The following ASTN2 variants were observed in gnomAD, a reference collection of about 807,000 sequenced individuals.
ASTN2 encodes the protein astrotactin 2.
ASTN2 carries 54 observed loss-of-function variants against 139.8 expected under a neutral mutation model. That is an observed-to-expected ratio of 0.39 (90% CI 0.31 to 0.48). ASTN2 has a LOEUF of 0.48. ASTN2 is among the 20% of genes least tolerant of loss of function. The pLI, the probability that ASTN2 is intolerant of heterozygous loss-of-function variation, is 0.95. For missense variants in ASTN2, 1,565 were observed against 1,725.1 expected, an observed-to-expected ratio of 0.91 and a Z score of 1.64; for synonymous variants, 756 against 719.5, an observed-to-expected ratio of 1.05 and a Z score of -0.81.
intron 3 of ASTN2, among the ~76,000 whole-genome samples, chr9:117,208,550 A>G (rs1832014224): frequency 6.6e-6 from 1 of 152,168 alleles, no homozygotes; most frequent in African/African-American, 2.4e-5. Flanking sequence ...CAGAAGAACA[A>G]GTGAAAAGGT....
At chr9:116,900,783 A>C (rs1277502830) in intron 10 of ASTN2, among the ~76,000 whole-genome samples, 1 of 151,314 alleles carries the variant, frequency 6.6e-6, no homozygotes, top group Admixed American at 6.6e-5. Context: ...TTCTCCCTCC[A>C]CCTTCGTTTG....
chr9:116,942,797 A>G (rs948631849), intron 10 of ASTN2, among the ~76,000 whole-genome samples: 1 of 152,216 alleles, frequency 6.6e-6, no homozygotes, highest in African/African-American at 2.4e-5. Context: ...AGCCCAATAA[A>G]AGCAAGGACT....
At chr9:116,506,933 A>G (rs930899022) in intron 19 of ASTN2, among the ~76,000 whole-genome samples, 1 of 152,026 alleles carries the variant, frequency 6.6e-6, no homozygotes, top group Non-Finnish European at 1.5e-5. Flanking sequence ...ACCTCAGTTC[A>G]CTCATCTATT....
chr9:116,715,963 A>G (rs1419798767), intron 16 of ASTN2, among the ~76,000 whole-genome samples: 1 of 152,192 alleles, frequency 6.6e-6, no homozygotes, highest in African/African-American at 2.4e-5. Flanking sequence ...AAAAACTTCA[A>G]TGTATGTATC....
At chr9:116,600,448 G>A (rs538135790) in intron 19 of ASTN2, among the ~76,000 whole-genome samples, 8 of 152,246 alleles carry the variant, frequency 5.3e-5, no homozygotes, top group Admixed American at 3.3e-4. Context: ...CACTGGCAGT[G>A]AGCAATAGAG....
chr9:116,749,589 T>C (rs556346551), intron 13 of ASTN2, among the ~76,000 whole-genome samples: 1 of 152,292 alleles, frequency 6.6e-6, no homozygotes, highest in East Asian at 1.9e-4. Context: ...GCACTGAAAT[T>C]GCCATGGTGT....
chr9:117,205,067 G>A (rs1831870834), intron 3 of ASTN2, among the ~76,000 whole-genome samples: 1 of 152,188 alleles, frequency 6.6e-6, no homozygotes. Context: ...TGTCCTTGTT[G>A]TAAGATGAGA....
chr9:117,217,671 C>T (rs1244497605), intron 2 of ASTN2, among the ~76,000 whole-genome samples: 1 of 152,178 alleles, frequency 6.6e-6, no homozygotes, highest in East Asian at 1.9e-4. Context: ...AATGCCACCT[C>T]ATTGGGTCAT....
At chr9:117,364,296 C>A (rs1056029403) in intron 1 of ASTN2, among the ~76,000 whole-genome samples, 8 of 152,124 alleles carry the variant, frequency 5.3e-5, no homozygotes, top group Non-Finnish European at 1.2e-4. Context: ...AAGCATCAAC[C>A]CAATAAAGAC....
At chr9:116,611,983 T>C (rs1273815277) in intron 19 of ASTN2, 2 of 152,162 alleles carry the variant, frequency 1.3e-5, no homozygotes, top group Non-Finnish European at 2.9e-5. Flanking sequence ...ATTCCTGGGA[T>C]AAATCTCACA....
In ASTN2 at chr9:116,492,234, A is replaced by G. The variant is rs1363279017; in HGVS notation, c.3356-4734T>C. 2.0e-5 allele frequency among the ~76,000 whole-genome samples: 3 copies of G among 151,982 alleles called. No homozygotes were observed. In the East Asian group the frequency reaches 5.8e-4, roughly 29 times the overall value. ...GTAGCTGGGATTATAGGTGCCCACC[A>G]CCATGCCTGGCTAATTTTTGTATTT... On this transcript the variant is annotated intron_variant, in intron 19 of 22. Coordinates refer to ENST00000313400, the MANE Select transcript of ASTN2 (RefSeq NM_001365068.1).
chr9:117,039,769 G>T, intron 6 of ASTN2, 50 bp downstream of exon 6: 2 of 1,569,960 alleles, frequency 1.3e-6, no homozygotes, highest in Non-Finnish European at 1.7e-6. Flanking sequence ...ACCAGTCAGG[G>T]GTGCAAGGTG....
At chr9:117,080,792 G>A (rs1025635386) in intron 5 of ASTN2, among the ~76,000 whole-genome samples, 2 of 152,090 alleles carry the variant, frequency 1.3e-5, no homozygotes. Context: ...AGAAGCCTAG[G>A]AAGGAGCTTC....
intron 10 of ASTN2, among the ~76,000 whole-genome samples, chr9:116,894,985 T>C (rs1833848621): frequency 6.6e-6 from 1 of 152,234 alleles, no homozygotes; most frequent in African/African-American, 2.4e-5. Context: ...TGCACATTTA[T>C]GTAAGTGGTC....
At chr9:117,295,206 C>A (rs1367336310) in intron 1 of ASTN2, among the ~76,000 whole-genome samples, 2 of 152,090 alleles carry the variant, frequency 1.3e-5, no homozygotes, top group African/African-American at 4.8e-5. Flanking sequence ...CCTGTAATCC[C>A]AGCTACTCAG....
intron 13 of ASTN2, among the ~76,000 whole-genome samples, chr9:116,756,810 C>G (rs1485314466): frequency 1.3e-5 from 2 of 150,716 alleles, no homozygotes; most frequent in Non-Finnish European, 3.0e-5. Flanking sequence ...TACACACACA[C>G]TTGGTCATCG....
intron 4 of ASTN2, among the ~76,000 whole-genome samples, chr9:117,107,648 A>G (rs184254630): frequency 4.1e-4 from 63 of 152,314 alleles, no homozygotes; most frequent in African/African-American, 1.5e-3. Flanking sequence ...TAGAGCAATA[A>G]TGGACTACAC....
At chr9:116,796,776 G>A (rs1017748711) in intron 13 of ASTN2, among the ~76,000 whole-genome samples, 5 of 152,104 alleles carry the variant, frequency 3.3e-5, no homozygotes, top group Admixed American at 1.3e-4. Context: ...TAACAATACT[G>A]TATTGTAGAC....
chr9:116,900,583 C>A (rs1385989282), intron 10 of ASTN2, among the ~76,000 whole-genome samples: 1 of 152,032 alleles, frequency 6.6e-6, no homozygotes, highest in Non-Finnish European at 1.5e-5. Context: ...AAAAATAGAG[C>A]CCTCTGAAAT....
Sources: allele counts gnomAD v4.1 joint callset (sites outside exome capture counted in the v4.1 genomes callset), GRCh38; gene constraint gnomAD v4.1.1; transcripts MANE v1.5; gene names NCBI Gene and HGNC (gene_info 2026-07-23, HGNC 2026-07-21).